The following LRRFIP1 variants were observed in gnomAD, a reference collection of about 807,000 sequenced individuals.
LRRFIP1 encodes LRR binding FLII interacting protein 1.
LRRFIP1 carries 62 observed loss-of-function variants against 104.4 expected under a neutral mutation model. The observed-to-expected ratio is 0.59, with a 90% CI of 0.48 to 0.73. The LOEUF is 0.73. Among genes scored for constraint, LRRFIP1 ranks in the 30% least tolerant of loss-of-function variants. LRRFIP1 has a pLI of 0.00. For synonymous variants in LRRFIP1, 300 were observed against 299.0 expected (o/e 1.00, Z -0.03); for missense variants, 796 against 824.5 (o/e 0.97, Z 0.42).
At chr2:237,729,883 C>T (rs544197214) in intron 8 of LRRFIP1, 5 of 934,876 alleles carry the variant, frequency 5.3e-6, no homozygotes, top group East Asian at 2.3e-4. Context: ...CTTCAGAAAC[C>T]GCAGATTTTG....
chr2:237,666,769 C>A (rs1012695068), intron 1 of LRRFIP1, among the ~76,000 whole-genome samples: 1 of 133,396 alleles, frequency 7.5e-6, no homozygotes, highest in African/African-American at 2.7e-5. Context: ...TTCTTTCTCT[C>A]TTTCTCTCTG....
In LRRFIP1 at chr2:237,781,515, G is replaced by T. The variant is rs2061425212; in HGVS notation, c.*1983G>T. On this transcript the variant is annotated 3_prime_UTR_variant, in exon 24 of 24. Coordinates refer to ENST00000308482, the MANE Select transcript of LRRFIP1 (RefSeq NM_001137550.2). Reference sequence around the variant, plus strand: ...TGGCTCTGAGGAAGTCAAGCCTTCAGTCTCTACCTCTCCCACCAATTCTTT... The same window carrying T: ...TGGCTCTGAGGAAGTCAAGCCTTCATTCTCTACCTCTCCCACCAATTCTTT... Among the ~76,000 whole-genome samples, 1 of 152,180 alleles carries T rather than the reference G, an allele frequency of 6.6e-6. No homozygotes were observed. Among genetic ancestry groups the T allele is most frequent in the South Asian group, 2.1e-4 (1 of 4,824 alleles).
At chr2:237,765,797 T>C in intron 19 of LRRFIP1, 1 of 963,842 alleles carries the variant, frequency 1.0e-6, no homozygotes, top group Non-Finnish European at 1.2e-6. Context: ...TATGAAATTA[T>C]GTGGATTCAT....
At chr2:237,639,413 G>A (rs2083573454) in intron 1 of LRRFIP1, among the ~76,000 whole-genome samples, 1 of 152,208 alleles carries the variant, frequency 6.6e-6, no homozygotes, top group South Asian at 2.1e-4. Context: ...TTGGCATTGA[G>A]ACAGCCAGTG....
chr2:237,769,908 A>AT, intron 19 of LRRFIP1, 35 bp from the exon 20 acceptor site: 1 of 1,542,106 alleles, frequency 6.5e-7, no homozygotes, highest in South Asian at 1.2e-5. Flanking sequence ...CGGCACGCGG[A>AT]TTCACCTAAA....
intron 1 of LRRFIP1, among the ~76,000 whole-genome samples, chr2:237,648,462 T>G (rs1352722265): frequency 2.0e-5 from 3 of 151,726 alleles, no homozygotes; most frequent in African/African-American, 7.3e-5. Context: ...TGCCGTTGGC[T>G]CCTGCTTGTA....
chr2:237,737,340 A>T (rs1276715846), intron 10 of LRRFIP1, among the ~76,000 whole-genome samples: 1 of 152,218 alleles, frequency 6.6e-6, no homozygotes, highest in Non-Finnish European at 1.5e-5. Context: ...TGCCGGGCTA[A>T]GGAACTTCCA....
chr2:237,689,133 A>G (rs2092604558), intron 1 of LRRFIP1, among the ~76,000 whole-genome samples: 1 of 151,916 alleles, frequency 6.6e-6, no homozygotes, highest in Non-Finnish European at 1.5e-5. Context: ...AGTTACCTGT[A>G]TTATTTAGGT....
chr2:237,669,532 AT>A (rs1382896789), intron 1 of LRRFIP1, among the ~76,000 whole-genome samples: 9 of 151,902 alleles, frequency 5.9e-5, no homozygotes, highest in East Asian at 1.9e-4. Flanking sequence ...TGTTGCAAAT[AT>A]TTTTTTTCAG....
Position 237,755,014 on chromosome 2 carries a change from C to G in LRRFIP1, c.1039-1081C>G, listed in dbSNP as rs537914983. On this transcript the variant is annotated intron_variant, in intron 15 of 23. Coordinates refer to ENST00000308482, the MANE Select transcript of LRRFIP1 (RefSeq NM_001137550.2). ...CCACCCCCAAGCTAAAGGAAGTGGGCGAACAGAAGTGCCAGGGTGAGCAGA... is the reference window on the plus strand; with the variant it reads ...CCACCCCCAAGCTAAAGGAAGTGGGGGAACAGAAGTGCCAGGGTGAGCAGA... Among the ~76,000 whole-genome samples, 12 of 152,314 alleles carry G rather than the reference C, an allele frequency of 7.9e-5. 1 individual carries two copies. The Middle Eastern group carries it at 0.017, about 216-fold the overall frequency.
intron 19 of LRRFIP1, chr2:237,765,931 C>T (rs1348789062): frequency 2.4e-5 from 24 of 984,006 alleles, no homozygotes; most frequent in Non-Finnish European, 2.3e-5. Context: ...TGGTTCCACT[C>T]TTTGGGCTGC....
At chr2:237,725,489 C>A (rs1198608256) in intron 7 of LRRFIP1, among the ~76,000 whole-genome samples, 3 of 152,148 alleles carry the variant, frequency 2.0e-5, no homozygotes. Flanking sequence ...CACGTAAAAA[C>A]AGCCCCACCC....
intron 1 of LRRFIP1, among the ~76,000 whole-genome samples, chr2:237,665,080 A>C (rs538371823): frequency 7.2e-5 from 11 of 152,218 alleles, no homozygotes; most frequent in Non-Finnish European, 1.5e-5. Flanking sequence ...TTACTTATTC[A>C]TGAAAGCATT....
chr2:237,653,805 A>G (rs1378784185), intron 1 of LRRFIP1, among the ~76,000 whole-genome samples: 2 of 152,248 alleles, frequency 1.3e-5, no homozygotes, highest in Non-Finnish European at 2.9e-5. Flanking sequence ...GTCCACCTGC[A>G]GAAGAATGAA....
At chr2:237,696,323 C>T (rs1353672544) in intron 1 of LRRFIP1, among the ~76,000 whole-genome samples, 1 of 152,064 alleles carries the variant, frequency 6.6e-6, no homozygotes, top group East Asian at 1.9e-4. Context: ...AGTGGGCTTT[C>T]CCTGTGGGTT....
At chr2:237,632,430 C>T (rs6751222) in intron 1 of LRRFIP1, among the ~76,000 whole-genome samples, 8 of 152,192 alleles carry the variant, frequency 5.3e-5, no homozygotes, top group Non-Finnish European at 8.8e-5. Flanking sequence ...GACTGGCCTG[C>T]CCCCCTCATG....
In LRRFIP1 at chr2:237,708,558, C is replaced by T. The variant is rs369410626; in HGVS notation, c.111C>T (p.Leu37=). The T allele has an allele frequency of 7.1e-5, 113 of 1,581,364 alleles. No individual in the cohort carries two copies. Among genetic ancestry groups the T allele is most frequent in the African/African-American group, 5.1e-4 (38 of 74,618 alleles). Reference sequence around the variant, plus strand: ...GTCCGTTTCAGGCGGAAGCCCGGCTCGCTGCAAAACGGGCGGCCCGCGCGG... The same window carrying T: ...GTCCGTTTCAGGCGGAAGCCCGGCTTGCTGCAAAACGGGCGGCCCGCGCGG... ...NQIAREAEAR[L]AAKRAARAEA... is the part of the protein sequence containing the mutation. The change falls in exon 2 of 24, where the codon CTC becomes CTT. Residue 37 remains leucine, a synonymous_variant. Transcript: ENST00000308482.
intron 1 of LRRFIP1, among the ~76,000 whole-genome samples, chr2:237,646,949 C>T (rs75000355): frequency 0.032 from 4,878 of 152,006 alleles, 457 homozygotes; most frequent in East Asian, 0.21. Context: ...AGAAAGGGGT[C>T]GCTTGCTGTA....
chr2:237,751,362 T>C, intron 14 of LRRFIP1, 91 bp downstream of exon 14: 2 of 1,046,968 alleles, frequency 1.9e-6, no homozygotes, highest in Non-Finnish European at 2.8e-6. Flanking sequence ...TCAAAGTGCA[T>C]GCTTACTGTA....
Sources: gnomAD v4.1 joint callset for allele counts (sites outside exome capture counted in the v4.1 genomes callset) on GRCh38, gnomAD v4.1.1 for gene constraint, MANE v1.5 for transcripts, NCBI Gene and HGNC (gene_info 2026-07-23, HGNC 2026-07-21) for gene names.